MECOM: variants seen among roughly 807,000 people sequenced by gnomAD.
MECOM encodes the protein MDS1 and EVI1 complex locus, also known as histone-lysine N-methyltransferase MECOM.
Under a neutral mutation model 116.3 loss-of-function variants are expected in MECOM, and 13 were observed. The ratio of observed to expected loss-of-function variants is 0.11; its 90% CI spans 0.07 to 0.18. MECOM has a LOEUF of 0.18. Ranked by LOEUF, MECOM falls within the 10% of genes least tolerant of loss-of-function variation. The pLI, the probability that MECOM is intolerant of heterozygous loss-of-function variation, is 1.00. For synonymous variants in MECOM, 528 were observed against 535.2 expected (o/e 0.99, Z 0.19); for missense variants, 1,299 against 1,509.0 (o/e 0.86, Z 2.31).
At chr3:169,338,946 C>A (rs762489195) in intron 2 of MECOM, among the ~76,000 whole-genome samples, 1 of 151,982 alleles carries the variant, frequency 6.6e-6, no homozygotes, top group African/African-American at 2.4e-5. Context: ...AAATTTGGAA[C>A]CACATAGAAA....
chr3:169,323,309 T>G lies in MECOM; in HGVS notation c.375+57878A>C, dbSNP rs1014367573. Among the ~76,000 whole-genome samples the G allele has an allele frequency of 6.6e-5, 10 of 152,244 alleles. No homozygotes were observed. The South Asian group carries it at 1.7e-3, about 25-fold the overall frequency. On this transcript the variant is annotated intron_variant, in intron 2 of 16. Coordinates refer to ENST00000651503, the MANE Select transcript of MECOM (RefSeq NM_004991.4). ...CCCCTCCTTCCCCCAGTATTGGGTG[T>G]GTGTTTCCCTTCTAGAGGCTTTATT...
intron 1 of MECOM, among the ~76,000 whole-genome samples, chr3:169,444,421 G>A (rs907103939): frequency 2.9e-4 from 44 of 152,170 alleles, no homozygotes; most frequent in South Asian, 2.1e-4. Context: ...GGTCCTTCCC[G>A]TGTTATTCTC....
rs1578126226 is a variant in MECOM at position 169,446,850 on chromosome 3, C to T, written c.38-65326G>A. Among the ~76,000 whole-genome samples, 5 of 152,146 alleles carry T rather than the reference C, an allele frequency of 3.3e-5. No individual in the cohort carries two copies. The East Asian group carries it at 9.6e-4, about 29-fold the overall frequency. ...TCCTAATGACTATGCAGTGCTACTG[C>T]CCTCATCCCTATCAGGATGGCTTGT... On this transcript the variant is annotated intron_variant, in intron 1 of 16. Transcript: ENST00000651503.
chr3:169,302,164 A>T (rs1004007346), intron 2 of MECOM, among the ~76,000 whole-genome samples: 3 of 152,246 alleles, frequency 2.0e-5, no homozygotes, highest in Non-Finnish European at 4.4e-5. Context: ...AATATATACA[A>T]TCTGTATCTG....
chr3:169,217,244 A>G (rs961118953), intron 2 of MECOM, among the ~76,000 whole-genome samples: 2 of 152,136 alleles, frequency 1.3e-5, no homozygotes, highest in African/African-American at 4.8e-5. Flanking sequence ...GCATACATGA[A>G]CTATAGCTAG....
intron 5 of MECOM, 125 bp from the exon 6 acceptor site, chr3:169,122,852 G>A (rs1731506674): frequency 9.2e-7 from 1 of 1,082,802 alleles, no homozygotes; most frequent in East Asian, 2.5e-5. Context: ...GAGAAGGAGG[G>A]AAGAGCAGAA....
chr3:169,531,540 C>T (rs769917240), intron 1 of MECOM, among the ~76,000 whole-genome samples: 7 of 152,082 alleles, frequency 4.6e-5, no homozygotes, highest in African/African-American at 9.7e-5. Context: ...TGAACCTCAG[C>T]GAAATTAAAT....
In MECOM at chr3:169,143,825, T is replaced by C. The variant is rs751312675; in HGVS notation, c.383A>G (p.Asp128Gly). The C allele has an allele frequency of 6.2e-6, 10 of 1,605,716 alleles. No individual in the cohort carries two copies. The Admixed American group carries it at 1.7e-4, about 27-fold the overall frequency. ...GCAGAACTTCACATTGTAAAATTCG[T>C]CTAAGATCTGGAGGGAAGAAGATGA... The part of the protein sequence containing the change: ...KDPSYGWEIL[D>G]EFYNVKFCID... The change falls in exon 3 of 17, where the codon GAC becomes GGC. Residue 128 changes from aspartate to glycine, a missense_variant. Asp to Gly is a moderately conservative substitution (Grantham distance 94). Coordinates refer to ENST00000651503, the MANE Select transcript of MECOM (RefSeq NM_004991.4).
intron 2 of MECOM, among the ~76,000 whole-genome samples, chr3:169,340,539 C>A (rs1724329387): frequency 6.6e-6 from 1 of 152,120 alleles, no homozygotes; most frequent in Non-Finnish European, 1.5e-5. Context: ...GTTGGTGTCA[C>A]CATTTGACTA....
chr3:169,606,735 G>T (rs559369123), intron 1 of MECOM, among the ~76,000 whole-genome samples: 7 of 152,264 alleles, frequency 4.6e-5, no homozygotes, highest in African/African-American at 7.2e-5. Context: ...CTAGGGTATT[G>T]TTCTCCTCCA....
intron 2 of MECOM, among the ~76,000 whole-genome samples, chr3:169,272,665 C>G (rs1182202001): frequency 6.6e-6 from 1 of 152,078 alleles, no homozygotes; most frequent in Non-Finnish European, 1.5e-5. Flanking sequence ...ATGACGACTT[C>G]CCAATAAGAA....
At chr3:169,096,315 G>C (rs995374915) in intron 12 of MECOM, among the ~76,000 whole-genome samples, 1 of 151,018 alleles carries the variant, frequency 6.6e-6, no homozygotes, top group African/African-American at 2.4e-5. Flanking sequence ...CTGTCACCCA[G>C]GCTGGAGTGC....
chr3:169,636,716 T>G (rs1356778994), intron 1 of MECOM, among the ~76,000 whole-genome samples: 1 of 152,146 alleles, frequency 6.6e-6, no homozygotes, highest in Non-Finnish European at 1.5e-5. Flanking sequence ...TTGGGTTCAG[T>G]TTCCTGATAT....
At chr3:169,375,765 T>C (rs891488610) in intron 2 of MECOM, among the ~76,000 whole-genome samples, 1 of 152,110 alleles carries the variant, frequency 6.6e-6, no homozygotes, top group African/African-American at 2.4e-5. Context: ...GAGGAGCTCG[T>C]ACCATTACTT....
intron 1 of MECOM, among the ~76,000 whole-genome samples, chr3:169,561,047 A>G (rs1048519800): frequency 1.2e-4 from 19 of 152,062 alleles, no homozygotes; most frequent in Admixed American, 2.6e-4. Flanking sequence ...TCCAAATGGT[A>G]ATAAAATGAA....
intron 1 of MECOM, among the ~76,000 whole-genome samples, chr3:169,588,105 A>G (rs1418020246): frequency 6.6e-6 from 1 of 152,208 alleles, no homozygotes; most frequent in Non-Finnish European, 1.5e-5. Context: ...AAAATTACAT[A>G]AAGAGAGACC....
intron 2 of MECOM, among the ~76,000 whole-genome samples, chr3:169,231,893 ACAGTGTCC>A (rs1338036517): frequency 1.1e-4 from 16 of 152,162 alleles, no homozygotes; most frequent in African/African-American, 3.6e-4. Flanking sequence ...TCCAGTTAAG[ACAGTGTCC>A]CAAAGTTTAG....
At chr3:169,216,393 T>C (rs1193210528) in intron 2 of MECOM, among the ~76,000 whole-genome samples, 2 of 152,188 alleles carry the variant, frequency 1.3e-5, no homozygotes, top group African/African-American at 4.8e-5. Flanking sequence ...TTTCTAGTGG[T>C]GTTTAGGCAT....
chr3:169,550,955 C>G lies in MECOM; in HGVS notation c.37+112381G>C, dbSNP rs898008075. ...TCTCCTGCCTCAGCCTCCCAAGTAGCTGGGACTACAGGCGCCCGCCACTAC... is the reference window on the plus strand; with the variant it reads ...TCTCCTGCCTCAGCCTCCCAAGTAGGTGGGACTACAGGCGCCCGCCACTAC... On this transcript the variant is annotated intron_variant, in intron 1 of 16. Transcript: ENST00000651503. Among the ~76,000 whole-genome samples, 3 of 128,772 alleles carry G rather than the reference C, an allele frequency of 2.3e-5. 1 individual carries two copies. The highest frequency in any genetic ancestry group is 5.0e-5 in the Non-Finnish European group (3 of 60,588). 84.5% of individuals were successfully genotyped at this position (128,772 alleles called of 152,430 possible).
Sources: gnomAD v4.1 joint callset for allele counts (sites outside exome capture counted in the v4.1 genomes callset) on GRCh38, gnomAD v4.1.1 for gene constraint, MANE v1.5 for transcripts, NCBI Gene and HGNC (gene_info 2026-07-23, HGNC 2026-07-21) for gene names.